CCDC141: variants seen among roughly 807,000 people sequenced by gnomAD.
The protein encoded by CCDC141 is coiled-coil domain-containing protein 141.
In CCDC141, 168 loss-of-function variants were observed where a neutral mutation model predicts 181.0. That is an observed-to-expected ratio of 0.93 (90% CI 0.82 to 1.05). The LOEUF (loss-of-function observed/expected upper bound fraction) is 1.05. CCDC141 is among the 50% of genes least tolerant of loss of function. The pLI is 0.00. For missense variants in CCDC141, 1,902 were observed against 1,788.5 expected, an observed-to-expected ratio of 1.06 and a Z score of -1.14; for synonymous variants, 666 against 642.3, an observed-to-expected ratio of 1.04 and a Z score of -0.56.
rs567112227 is a variant in CCDC141, at chr2:178,884,898, T to C, written c.1719+3A>G. 4.5e-6 allele frequency: 7 copies of C among 1,549,886 alleles called. No individual in the cohort carries two copies. Among genetic ancestry groups the C allele is most frequent in the East Asian group, 4.9e-5 (2 of 40,902 alleles). ...TGAAGAAGGTTAACACATAGTACCA[T>C]ACCTCCTCTGATGACTTCAGAAATG... is the stretch of plus-strand genomic sequence containing the variant. On this transcript the variant is annotated splice_donor_region_variant and intron_variant, in intron 11 of 23. Transcript: ENST00000443758.
At chr2:178,876,359 C>G (rs985283656) in intron 12 of CCDC141, 3 of 152,178 alleles carry the variant, frequency 2.0e-5, no homozygotes, top group African/African-American at 7.2e-5. Flanking sequence ...ACACAATTTA[C>G]AGATTGGTAA....
At chr2:179,007,057 C>T (rs1022047873) in intron 2 of CCDC141, among the ~76,000 whole-genome samples, 1 of 152,066 alleles carries the variant, frequency 6.6e-6, no homozygotes, top group Admixed American at 6.6e-5. Flanking sequence ...AGTTGATGGG[C>T]CCAAGGATGA....
Position 178,955,686 on chromosome 2 carries a change from G to A in CCDC141, c.780+5544C>T, listed in dbSNP as rs115959734. Among the ~76,000 whole-genome samples the A allele has an allele frequency of 7.5e-3, 1,139 of 152,016 alleles. 3 individuals carry two copies. Among genetic ancestry groups the A allele is most frequent in the Non-Finnish European group, 0.01 (684 of 68,000 alleles). ...TGTGTGTGCCTATGACTATGCTCAC[G>A]CTTGGATAAAAGTCTAGAAGGTGGC... On this transcript the variant is annotated intron_variant, in intron 5 of 23. Coordinates refer to ENST00000443758, the MANE Select transcript of CCDC141 (RefSeq NM_173648.4).
chr2:178,837,206 G>A lies in CCDC141; in HGVS notation c.4013C>T (p.Ala1338Val). ...HERALQQHPQ[A>V]QGGLLETREK... is the part of the protein sequence containing the mutation. ...CCGTGTTTCTAGCAAACCACCCTGAGCCTGAGGGTGCTGCTGTAAAGCTCT... is the reference window on the plus strand; with the variant it reads ...CCGTGTTTCTAGCAAACCACCCTGAACCTGAGGGTGCTGCTGTAAAGCTCT... Residue 1338 changes from alanine (A) to valine (V), a missense_variant, in exon 23 of 24, where the codon GCT (alanine) becomes GTT (valine). Transcript: ENST00000443758. 6.2e-7 allele frequency: 1 copy of A among 1,613,978 alleles called. No individual in the cohort carries two copies. The highest frequency in any genetic ancestry group is 8.5e-7 in the Non-Finnish European group (1 of 1,179,982).
At chr2:179,018,572 A>G (rs1008370796) in intron 2 of CCDC141, among the ~76,000 whole-genome samples, 4 of 152,152 alleles carry the variant, frequency 2.6e-5, no homozygotes, top group East Asian at 3.8e-4. Context: ...GCATCTGCCT[A>G]TCTAAAACCT....
At chr2:179,038,299 G>C (rs906941910) in intron 2 of CCDC141, among the ~76,000 whole-genome samples, 1 of 152,114 alleles carries the variant, frequency 6.6e-6, no homozygotes, top group Non-Finnish European at 1.5e-5. Context: ...CATTTATATG[G>C]GGTACCTAGA....
intron 2 of CCDC141, among the ~76,000 whole-genome samples, chr2:179,014,579 AAAAC>A (rs1190771068): frequency 6.6e-6 from 1 of 152,132 alleles, no homozygotes. Flanking sequence ...CAGCAAGAAA[AAAAC>A]AAACAATCCC....
chr2:178,976,724 C>G (rs1193313055), intron 3 of CCDC141, among the ~76,000 whole-genome samples: 1 of 152,116 alleles, frequency 6.6e-6, no homozygotes, highest in Admixed American at 6.5e-5. Context: ...ATAAGGGGGT[C>G]ATATCCACAT....
chr2:178,823,455 C>T, the CCDC141 span, among the ~76,000 whole-genome samples: 3 of 152,012 alleles, frequency 2.0e-5, no homozygotes, highest in Non-Finnish European at 2.9e-5. Context: ...GAAATAAACA[C>T]ACAAAACATT....
intron 2 of CCDC141, among the ~76,000 whole-genome samples, chr2:179,012,915 TC>T (rs2042311245): frequency 6.6e-6 from 1 of 152,066 alleles, no homozygotes; most frequent in Admixed American, 6.5e-5. Flanking sequence ...AAATCCAGCA[TC>T]CCTTTATGAT....
At chr2:179,044,256 T>A (rs1367305893) in intron 2 of CCDC141, among the ~76,000 whole-genome samples, 2 of 152,160 alleles carry the variant, frequency 1.3e-5, no homozygotes, top group African/African-American at 4.8e-5. Flanking sequence ...GATTCAATAC[T>A]ATTCCCATTA....
chr2:179,025,457 T>C (rs577111488), intron 2 of CCDC141, among the ~76,000 whole-genome samples: 3 of 152,284 alleles, frequency 2.0e-5, no homozygotes, highest in African/African-American at 4.8e-5. Flanking sequence ...ATAAGCTCTC[T>C]CTCTCTTCAT....
intron 2 of CCDC141, among the ~76,000 whole-genome samples, chr2:178,984,317 A>G (rs1028812247): frequency 2.6e-5 from 4 of 151,618 alleles, no homozygotes; most frequent in East Asian, 3.9e-4. Context: ...TGAAGGAAGC[A>G]CTAAACATGG....
chr2:178,902,671 A>G (rs1457954972), intron 8 of CCDC141, among the ~76,000 whole-genome samples: 1 of 151,832 alleles, frequency 6.6e-6, no homozygotes, highest in Admixed American at 6.6e-5. Flanking sequence ...AAACCTAGGC[A>G]TTACCATTCA....
chr2:178,975,289 T>G (rs1691071284), intron 3 of CCDC141, 124 bp from the exon 4 acceptor site: 1 of 545,088 alleles, frequency 1.8e-6, no homozygotes, highest in South Asian at 2.6e-5. Context: ...ATTATGCAAG[T>G]GCATATGTTT....
rs115658728 is a variant in CCDC141, at chr2:178,928,117, G to C, written c.898-9210C>G. 1.6e-3 allele frequency among the ~76,000 whole-genome samples: 245 copies of C among 152,318 alleles called. 1 individual carries two copies. The highest frequency in any genetic ancestry group is 5.4e-3 in the African/African-American group (225 of 41,574). Reference sequence around the variant, plus strand: ...ATTGTTTCAGAATTAGGAAGAAACAGAGAAACCGGGTGACTGAGTTTACTC... The same window carrying C: ...ATTGTTTCAGAATTAGGAAGAAACACAGAAACCGGGTGACTGAGTTTACTC... On this transcript the variant is annotated intron_variant, in intron 6 of 23. Coordinates refer to ENST00000443758, the MANE Select transcript of CCDC141 (RefSeq NM_173648.4).
chr2:178,890,530 T>A (rs1687097000), intron 8 of CCDC141, among the ~76,000 whole-genome samples: 2 of 152,282 alleles, frequency 1.3e-5, no homozygotes, highest in South Asian at 4.1e-4. Context: ...AGAATAAGAC[T>A]GTTAGCCAGC....
intron 5 of CCDC141, among the ~76,000 whole-genome samples, chr2:178,949,133 A>G (rs538634717): frequency 6.6e-6 from 1 of 152,312 alleles, no homozygotes; most frequent in Non-Finnish European, 1.5e-5. Context: ...TGTACCAAAA[A>G]GAGTAGGAAG....
At chr2:178,829,016 G>A (rs1354027058), downstream of CCDC141, among the ~76,000 whole-genome samples, 1 of 152,130 alleles carries the variant, frequency 6.6e-6, no homozygotes, top group Non-Finnish European at 1.5e-5. Flanking sequence ...AAGTATTGAT[G>A]TTTACATGCA....
Sources: allele counts gnomAD v4.1 joint callset (sites outside exome capture counted in the v4.1 genomes callset), GRCh38; gene constraint gnomAD v4.1.1; transcripts MANE v1.5; gene names NCBI Gene and HGNC (gene_info 2026-07-23, HGNC 2026-07-21).